Variants in DEPDC1B observed in about 807,000 individuals in gnomAD.
DEPDC1B encodes the protein DEP domain-containing protein 1B.
Under a neutral mutation model 66.5 loss-of-function variants are expected in DEPDC1B, and 51 were observed. That is an observed-to-expected ratio of 0.77 (90% confidence interval 0.61 to 0.97). The LOEUF (loss-of-function observed/expected upper bound fraction) is 0.97. DEPDC1B is among the 50% of genes least tolerant of loss of function. The pLI is 0.00. For missense variants in DEPDC1B, 552 were observed against 637.1 expected (o/e 0.87, Z 1.44); for synonymous variants, 226 against 223.6 (o/e 1.01, Z -0.10).
At chr5:60,632,513 C>T (rs1396316925) in intron 7 of DEPDC1B, among the ~76,000 whole-genome samples, 1 of 152,244 alleles carries the variant, frequency 6.6e-6, no homozygotes, top group African/African-American at 2.4e-5. Flanking sequence ...CGGAACTTTG[C>T]CCAGAATATC....
intron 2 of DEPDC1B, among the ~76,000 whole-genome samples, chr5:60,675,797 C>A (rs1754141910): frequency 6.6e-6 from 1 of 152,190 alleles, no homozygotes; most frequent in Non-Finnish European, 1.5e-5. Flanking sequence ...AGCTTCTCTG[C>A]CTTACAATCT....
intron 2 of DEPDC1B, among the ~76,000 whole-genome samples, chr5:60,683,984 A>G (rs761208740): frequency 5.3e-5 from 8 of 152,118 alleles, no homozygotes; most frequent in Non-Finnish European, 1.2e-4. Context: ...AGAAATCAAA[A>G]AAGCAATCCC....
At chr5:60,604,327 TCTC>T (rs1237214951) in intron 8 of DEPDC1B, among the ~76,000 whole-genome samples, 1 of 147,904 alleles carries the variant, frequency 6.8e-6, no homozygotes, top group Non-Finnish European at 1.5e-5. Flanking sequence ...TTCAAGCAAT[TCTC>T]CTGCCCCAGC....
chr5:60,618,918 C>A (rs1363236686), intron 7 of DEPDC1B, among the ~76,000 whole-genome samples: 1 of 152,164 alleles, frequency 6.6e-6, no homozygotes, highest in Non-Finnish European at 1.5e-5. Flanking sequence ...AATCCAGCAG[C>A]ACATCAAAAA....
At chr5:60,617,999 C>T (rs1008350204) in intron 7 of DEPDC1B, among the ~76,000 whole-genome samples, 1 of 152,160 alleles carries the variant, frequency 6.6e-6, no homozygotes, top group African/African-American at 2.4e-5. Context: ...CAAAACCGCT[C>T]GACTACATGG....
chr5:60,687,311 G>T, intron 1 of DEPDC1B, 84 bp from the exon 2 acceptor site: 1 of 1,480,218 alleles, frequency 6.8e-7, no homozygotes, highest in Non-Finnish European at 9.1e-7. Context: ...AGCAAAGAAT[G>T]CAATTTTTCC....
chr5:60,663,988 C>T (rs1480927612), intron 2 of DEPDC1B, among the ~76,000 whole-genome samples: 5 of 152,264 alleles, frequency 3.3e-5, no homozygotes, highest in South Asian at 2.1e-4. Context: ...AGGCTTCTGC[C>T]GAATATGGAT....
intron 2 of DEPDC1B, among the ~76,000 whole-genome samples, chr5:60,657,510 C>G (rs1222010994): frequency 1.3e-5 from 2 of 152,152 alleles, no homozygotes; most frequent in African/African-American, 4.8e-5. Flanking sequence ...ATTCTCTCAG[C>G]ATTTGTCTTT....
intron 1 of DEPDC1B, among the ~76,000 whole-genome samples, chr5:60,691,953 T>A (rs1754555316): frequency 6.6e-6 from 1 of 152,090 alleles, no homozygotes; most frequent in African/African-American, 2.4e-5. Context: ...AACAGATAAA[T>A]GAATAAAGAA....
intron 2 of DEPDC1B, among the ~76,000 whole-genome samples, chr5:60,669,736 T>C (rs1753985634): frequency 6.6e-6 from 1 of 152,156 alleles, no homozygotes; most frequent in Admixed American, 6.5e-5. Context: ...CAGAAATCTT[T>C]CCTTATTCCA....
chr5:60,664,403 A>G (rs1256136635), intron 2 of DEPDC1B, among the ~76,000 whole-genome samples: 1 of 152,212 alleles, frequency 6.6e-6, no homozygotes, highest in African/African-American at 2.4e-5. Flanking sequence ...CAGCATACTC[A>G]CTGCTAAAGG....
At position 60,597,742 on chromosome 5, in the gene DEPDC1B, T is replaced by G; in HGVS notation, c.*11A>C. The G allele has an allele frequency of 6.2e-7, 1 of 1,610,982 alleles. No individual in the cohort carries two copies. The highest frequency in any genetic ancestry group is 8.5e-7 in the Non-Finnish European group (1 of 1,179,024). Reference sequence around the variant, plus strand: ...CAGTGGTCTCTAGCACCTGTTGCTGTGGAAGTATTATTACATTCGAAAACT... The same window carrying G: ...CAGTGGTCTCTAGCACCTGTTGCTGGGGAAGTATTATTACATTCGAAAACT... On this transcript the variant is annotated 3_prime_UTR_variant, in exon 11 of 11. Transcript: ENST00000265036.
At chr5:60,655,635 G>T (rs1297973923) in intron 2 of DEPDC1B, among the ~76,000 whole-genome samples, 1 of 148,998 alleles carries the variant, frequency 6.7e-6, no homozygotes, top group Non-Finnish European at 1.5e-5. Context: ...GCTCTGCTCT[G>T]ATCTTTGTTA....
Position 60,687,041 on chromosome 5 carries a change from AT to A in DEPDC1B, c.234del (p.Lys78AsnfsTer3). 2 of 1,614,150 alleles carry A rather than the reference AT, an allele frequency of 1.2e-6. No individual in the cohort carries two copies. Among genetic ancestry groups the A allele is most frequent in the Non-Finnish European group, 8.5e-7 (1 of 1,180,012 alleles). ...TCTTCAATAACGTGATTCTTCAGGAATTTTTTTAGCAGCTGGACCGTTTGTT... is the reference window on the plus strand; with the variant it reads ...TCTTCAATAACGTGATTCTTCAGGAATTTTTTAGCAGCTGGACCGTTTGTT... ...TRKQTVQLLKKFLKNHVIEDI... is the reference protein window; with the variant it reads ...TRKQTVQLLKXFLKNHVIEDI... On this transcript the variant is annotated frameshift_variant, in exon 2 of 11. Coordinates refer to ENST00000265036, the MANE Select transcript of DEPDC1B (RefSeq NM_018369.3). LOFTEE classifies it high-confidence loss of function.
intron 2 of DEPDC1B, among the ~76,000 whole-genome samples, chr5:60,668,418 G>A (rs1206902055): frequency 2.0e-5 from 3 of 151,096 alleles, no homozygotes; most frequent in African/African-American, 7.3e-5. Flanking sequence ...TGGACTACAG[G>A]TGTGTTCCAC....
intron 7 of DEPDC1B, among the ~76,000 whole-genome samples, chr5:60,614,512 G>A (rs1024646136): frequency 1.1e-4 from 16 of 151,776 alleles, no homozygotes; most frequent in African/African-American, 3.6e-4. Context: ...TGTAAAGTTT[G>A]TTTATATTTG....
At chr5:60,687,404 G>A (rs903757925) in intron 1 of DEPDC1B, among the ~76,000 whole-genome samples, 177 bp from the exon 2 acceptor site, 1 of 152,080 alleles carries the variant, frequency 6.6e-6, no homozygotes, top group Non-Finnish European at 1.5e-5. Context: ...AAGTTTGGCA[G>A]AATGGATGGT....
chr5:60,613,535 G>T (rs954963345), intron 7 of DEPDC1B, among the ~76,000 whole-genome samples: 1 of 152,190 alleles, frequency 6.6e-6, no homozygotes. Context: ...CCATCACAAA[G>T]CAATGTGGAA....
At chr5:60,609,754 A>C (rs748295392) in intron 7 of DEPDC1B, among the ~76,000 whole-genome samples, 9 of 152,204 alleles carry the variant, frequency 5.9e-5, no homozygotes, top group Non-Finnish European at 1.3e-4. Context: ...TGTTCTGAGT[A>C]GTGGGGAGAG....
Sources: allele counts gnomAD v4.1 joint callset (sites outside exome capture counted in the v4.1 genomes callset), GRCh38; gene constraint gnomAD v4.1.1; transcripts MANE v1.5; gene names NCBI Gene and HGNC (gene_info 2026-07-23, HGNC 2026-07-21).